Variants in ENTREP2 observed in about 807,000 individuals in gnomAD.
ENTREP2 encodes the protein endosomal transmembrane epsin interactor 2.
the ENTREP2 span, among the ~76,000 whole-genome samples, chr15:29,399,346 G>A: frequency 1.3e-5 from 2 of 152,236 alleles, no homozygotes; most frequent in Admixed American, 6.5e-5. Flanking sequence ...CTATGCTTGT[G>A]GCAATTTGCC....
At chr15:29,206,559 G>A in the ENTREP2 span, among the ~76,000 whole-genome samples, 16 of 152,036 alleles carry the variant, frequency 1.1e-4, no homozygotes, top group African/African-American at 3.9e-4. Flanking sequence ...ATCACACCCC[G>A]CATGATTCCA....
chr15:29,390,572 A>C, the ENTREP2 span, among the ~76,000 whole-genome samples: 3 of 152,214 alleles, frequency 2.0e-5, no homozygotes, highest in Non-Finnish European at 4.4e-5. Context: ...AGATAAAATC[A>C]GAACAGAGAC....
At chr15:29,123,438 C>G in the ENTREP2 span, 3 of 1,551,694 alleles carry the variant, frequency 1.9e-6, no homozygotes, top group Non-Finnish European at 2.6e-6. Flanking sequence ...TGTGCTGTGC[C>G]TCGGTGGGGA....
the ENTREP2 span, among the ~76,000 whole-genome samples, chr15:29,244,082 C>A: frequency 0.018 from 2,688 of 152,290 alleles, 36 homozygotes; most frequent in South Asian, 0.043. Flanking sequence ...CTAATGTATA[C>A]CTTCTCAGCA....
At chr15:29,289,469 C>T in the ENTREP2 span, among the ~76,000 whole-genome samples, 32 of 152,166 alleles carry the variant, frequency 2.1e-4, no homozygotes, top group African/African-American at 6.5e-4. Flanking sequence ...GCTGGACCAA[C>T]CACTGTGGAA....
chr15:29,470,726 C>T, the ENTREP2 span, among the ~76,000 whole-genome samples: 1 of 152,222 alleles, frequency 6.6e-6, no homozygotes, highest in Non-Finnish European at 1.5e-5. Flanking sequence ...GAAGGACGCT[C>T]TGCCTTCAAG....
the ENTREP2 span, among the ~76,000 whole-genome samples, chr15:29,391,284 A>C: frequency 6.6e-6 from 1 of 151,634 alleles, no homozygotes; most frequent in Non-Finnish European, 1.5e-5. Context: ...CTTTCATCCC[A>C]GGCTGTGGTC....
chr15:29,242,406 T>A, the ENTREP2 span, among the ~76,000 whole-genome samples: 1 of 152,218 alleles, frequency 6.6e-6, no homozygotes, highest in African/African-American at 2.4e-5. Flanking sequence ...GTATATTTTT[T>A]AAAAATCCAT....
the ENTREP2 span, among the ~76,000 whole-genome samples, chr15:29,472,684 C>CT: frequency 6.6e-6 from 1 of 152,114 alleles, no homozygotes; most frequent in Non-Finnish European, 1.5e-5. Context: ...AGGCTGGTCT[C>CT]TAACTCCTGA....
At chr15:29,487,432 C>G in the ENTREP2 span, among the ~76,000 whole-genome samples, 1 of 152,216 alleles carries the variant, frequency 6.6e-6, no homozygotes, top group Non-Finnish European at 1.5e-5. Flanking sequence ...AGCGGTCAGT[C>G]TCTTCTCTCT....
chr15:29,128,625 T>C, the ENTREP2 span, among the ~76,000 whole-genome samples: 1 of 151,912 alleles, frequency 6.6e-6, no homozygotes, highest in Non-Finnish European at 1.5e-5. Context: ...TACAGGGTAT[T>C]TAATGGGAAA....
chr15:29,563,636 G>A, the ENTREP2 span, among the ~76,000 whole-genome samples: 14 of 152,032 alleles, frequency 9.2e-5, no homozygotes, highest in East Asian at 1.9e-4. Flanking sequence ...GTTGAAGATC[G>A]GCCTGCTAAC....
the ENTREP2 span, among the ~76,000 whole-genome samples, chr15:29,495,749 T>G: frequency 6.6e-6 from 1 of 152,186 alleles, no homozygotes; most frequent in African/African-American, 2.4e-5. Flanking sequence ...GGGCTTTCTA[T>G]TCTGTTCCAT....
At chr15:29,383,465 G>C in the ENTREP2 span, among the ~76,000 whole-genome samples, 1 of 152,196 alleles carries the variant, frequency 6.6e-6, no homozygotes, top group South Asian at 2.1e-4. Flanking sequence ...TGAGAAGGCC[G>C]AATTAAAAGG....
chr15:29,221,183 C>A, the ENTREP2 span, among the ~76,000 whole-genome samples: 5 of 151,936 alleles, frequency 3.3e-5, no homozygotes, highest in Admixed American at 6.6e-5. Flanking sequence ...ATTTTTACAC[C>A]ACCTTTTAAT....
At chr15:29,278,376 G>A in the ENTREP2 span, among the ~76,000 whole-genome samples, 1 of 152,166 alleles carries the variant, frequency 6.6e-6, no homozygotes, top group Non-Finnish European at 1.5e-5. Context: ...GCAGAAGCCC[G>A]TGTCTCCCTT....
chr15:29,169,745 C>A, the ENTREP2 span, among the ~76,000 whole-genome samples: 1 of 152,102 alleles, frequency 6.6e-6, no homozygotes, highest in Non-Finnish European at 1.5e-5. Context: ...GTAAAAGCCT[C>A]TAATAAACTT....
chr15:29,170,519 A>T, the ENTREP2 span, among the ~76,000 whole-genome samples: 1 of 152,214 alleles, frequency 6.6e-6, no homozygotes, highest in Non-Finnish European at 1.5e-5. Flanking sequence ...CTATAAATAC[A>T]TTAATTCTTT....
the ENTREP2 span, among the ~76,000 whole-genome samples, chr15:29,330,636 A>T: frequency 1.3e-5 from 2 of 152,200 alleles, no homozygotes; most frequent in African/African-American, 4.8e-5. Flanking sequence ...AACTGTGAGG[A>T]GCCTAAGGCA....
Sources: allele counts gnomAD v4.1 joint callset (sites outside exome capture counted in the v4.1 genomes callset), GRCh38; gene constraint gnomAD v4.1.1; transcripts MANE v1.5; gene names NCBI Gene and HGNC (gene_info 2026-07-23, HGNC 2026-07-21).